Variants in PM20D2 observed in about 807,000 individuals in gnomAD.
The protein encoded by PM20D2 is xaa-Arg dipeptidase.
Under a neutral mutation model 42.9 loss-of-function variants are expected in PM20D2, and 33 were observed. The observed-to-expected ratio is 0.77, with a 90% CI of 0.58 to 1.03. The LOEUF is 1.03. Ranked by LOEUF, PM20D2 falls within the 50% of genes least tolerant of loss-of-function variation. The probability of loss-of-function intolerance (pLI) is 0.00; values close to 1 mark genes in which losing one functional copy is unlikely to be tolerated. For missense variants in PM20D2, 548 were observed against 557.0 expected, an observed-to-expected ratio of 0.98 and a Z score of 0.16; for synonymous variants, 250 against 228.2, an observed-to-expected ratio of 1.10 and a Z score of -0.86.
At chr6:89,161,928 C>T (rs1183730504) in intron 6 of PM20D2, 38 bp downstream of exon 6, 5 of 1,539,348 alleles carry the variant, frequency 3.2e-6, no homozygotes, top group South Asian at 1.1e-5. Context: ...GGCACACACA[C>T]TCTTCTTCTG....
At chr6:89,118,195 A>ATC in the PM20D2 span, 4 of 151,004 alleles carry the variant, frequency 2.6e-5, no homozygotes, top group Non-Finnish European at 4.4e-5. Context: ...CTGGAGTGCG[A>ATC]CGGGATTTGG....
At chr6:89,109,855 G>A in the PM20D2 span, among the ~76,000 whole-genome samples, 1 of 152,196 alleles carries the variant, frequency 6.6e-6, no homozygotes, top group African/African-American at 2.4e-5. Flanking sequence ...ACTTTGGGAG[G>A]CCGAGGTGGG....
intron 6 of PM20D2, 59 bp from the exon 7 acceptor site, chr6:89,162,050 T>C: frequency 6.4e-7 from 1 of 1,572,576 alleles, no homozygotes; most frequent in Non-Finnish European, 8.7e-7. Context: ...GTAGCTAACC[T>C]GTGAAATTAA....
the PM20D2 span, among the ~76,000 whole-genome samples, chr6:89,100,185 C>A: frequency 0.063 from 9,549 of 152,092 alleles, 864 homozygotes; most frequent in African/African-American, 0.2. Flanking sequence ...GGAAGAGATT[C>A]CAAGGGACCA....
chr6:89,135,861 T>G, the PM20D2 span, among the ~76,000 whole-genome samples: 1 of 151,224 alleles, frequency 6.6e-6, no homozygotes, highest in Non-Finnish European at 1.5e-5. Context: ...CTAGAAGCAT[T>G]TCCAATAGAC....
chr6:89,146,570 G>A lies in PM20D2; in HGVS notation c.426G>A (p.Gly142=). ...CGGCGGCCGCGCTGGGCGTGAGGGG[G>A]GCCTTAGAGGGCCTCCCCAGGCCGC... ...VGAAAALGVR[G]ALEGLPRPPP... The change falls in exon 1 of 7, where the codon GGG becomes GGA. Residue 142 remains glycine (G), a synonymous_variant. Coordinates refer to ENST00000275072, the MANE Select transcript of PM20D2 (RefSeq NM_001010853.3). The A allele has an allele frequency of 6.7e-7, 1 of 1,482,186 alleles. No individual in the cohort carries two copies. The highest frequency in any genetic ancestry group is 8.9e-7 in the Non-Finnish European group (1 of 1,122,864). The allele number at this position is 1,482,186 out of a possible 1,614,324, so 91.8% of individuals were successfully genotyped here. A position where few individuals can be genotyped will look rare whatever the true frequency, so the allele number is the denominator to read the frequency against.
chr6:89,120,138 G>C, the PM20D2 span, among the ~76,000 whole-genome samples: 1 of 152,200 alleles, frequency 6.6e-6, no homozygotes, highest in Non-Finnish European at 1.5e-5. Flanking sequence ...CTGCCCCCAT[G>C]ATTCAGTTAT....
chr6:89,118,152 C>G, the PM20D2 span: 1 of 151,440 alleles, frequency 6.6e-6, no homozygotes, highest in Non-Finnish European at 1.5e-5. Flanking sequence ...CGCGGCCGTT[C>G]CCAGGCCCTA....
the PM20D2 span, among the ~76,000 whole-genome samples, chr6:89,102,653 T>G: frequency 6.6e-6 from 1 of 152,206 alleles, no homozygotes; most frequent in Non-Finnish European, 1.5e-5. Context: ...AGGAGCAATT[T>G]TAACACTGTT....
chr6:89,162,699 A>G lies in PM20D2; in HGVS notation c.*436A>G, dbSNP rs1359831225. The G allele has an allele frequency of 6.5e-6, 1 of 154,526 alleles. No individual in the cohort carries two copies. Among genetic ancestry groups the G allele is most frequent in the Admixed American group, 6.4e-5 (1 of 15,584 alleles). 9.6% of individuals were successfully genotyped at this position (154,526 alleles called of 1,614,324 possible). A position where few individuals can be genotyped will look rare whatever the true frequency, so the allele number is the denominator to read the frequency against. ...CACCCATGAGAGTGTTTTGTGGTAT[A>G]GGGTGGTAAACTTGTTCTCTAATCG... On this transcript the variant is annotated 3_prime_UTR_variant, in exon 7 of 7. Coordinates refer to ENST00000275072, the MANE Select transcript of PM20D2 (RefSeq NM_001010853.3).
At chr6:89,132,541 C>T in the PM20D2 span, among the ~76,000 whole-genome samples, 1 of 151,284 alleles carries the variant, frequency 6.6e-6, no homozygotes, top group African/African-American at 2.5e-5. Context: ...ATTATTGGAA[C>T]TAAGATCAAG....
At chr6:89,158,888 GT>G (rs748706711) in intron 5 of PM20D2, among the ~76,000 whole-genome samples, 14 of 147,054 alleles carry the variant, frequency 9.5e-5, no homozygotes, top group Non-Finnish European at 1.3e-4. Flanking sequence ...GGTTATGTTA[GT>G]TTTTTTTTCC....
At chr6:89,153,336 T>G in intron 3 of PM20D2, 151 bp downstream of exon 3, 1 of 563,706 alleles carries the variant, frequency 1.8e-6, no homozygotes, top group Non-Finnish European at 2.7e-6. Context: ...GAAATTCATG[T>G]GACAGGATAC....
the PM20D2 span, among the ~76,000 whole-genome samples, chr6:89,124,824 C>T: frequency 1.3e-5 from 2 of 150,744 alleles, no homozygotes; most frequent in African/African-American, 4.9e-5. Flanking sequence ...CAGCCCCAAC[C>T]TCCTGGACTC....
chr6:89,108,874 C>T, the PM20D2 span, among the ~76,000 whole-genome samples: 2 of 152,110 alleles, frequency 1.3e-5, no homozygotes, highest in East Asian at 3.8e-4. Flanking sequence ...ATATAAGATT[C>T]AACAAAAATT....
At chr6:89,110,961 A>T in the PM20D2 span, among the ~76,000 whole-genome samples, 2 of 151,594 alleles carry the variant, frequency 1.3e-5, no homozygotes, top group African/African-American at 2.4e-5. Context: ...TACAAAAAAT[A>T]AAAAAAAATT....
chr6:89,148,061 AC>A (rs927457442), intron 1 of PM20D2, among the ~76,000 whole-genome samples: 1 of 140,708 alleles, frequency 7.1e-6, no homozygotes, highest in Non-Finnish European at 1.5e-5. Context: ...GCTCACTACA[AC>A]CTCCGCCTCC....
the PM20D2 span, among the ~76,000 whole-genome samples, chr6:89,124,194 T>C: frequency 6.6e-6 from 1 of 151,854 alleles, no homozygotes; most frequent in Non-Finnish European, 1.5e-5. Context: ...TTCTCCCTAA[T>C]GTAAATATGG....
In PM20D2 at chr6:89,162,697, A is replaced by G. The variant is rs1405326815; in HGVS notation, c.*434A>G. 6.5e-6 allele frequency: 1 copy of G among 154,652 alleles called. No homozygotes were observed. The highest frequency in any genetic ancestry group is 6.4e-5 in the Admixed American group (1 of 15,608). 9.6% of individuals were successfully genotyped at this position (154,652 alleles called of 1,614,324 possible). A position where few individuals can be genotyped will look rare whatever the true frequency, so the allele number is the denominator to read the frequency against. On this transcript the variant is annotated 3_prime_UTR_variant, in exon 7 of 7. Coordinates refer to ENST00000275072, the MANE Select transcript of PM20D2 (RefSeq NM_001010853.3). ...GACACCCATGAGAGTGTTTTGTGGTATAGGGTGGTAAACTTGTTCTCTAAT... is the reference window on the plus strand; with the variant it reads ...GACACCCATGAGAGTGTTTTGTGGTGTAGGGTGGTAAACTTGTTCTCTAAT...
Sources: gnomAD v4.1 joint callset for allele counts (sites outside exome capture counted in the v4.1 genomes callset) on GRCh38, gnomAD v4.1.1 for gene constraint, MANE v1.5 for transcripts, NCBI Gene and HGNC (gene_info 2026-07-23, HGNC 2026-07-21) for gene names.